BBX: variants seen among roughly 807,000 people sequenced by gnomAD.
BBX encodes BBX high mobility group box domain containing.
A neutral mutation model predicts 100.2 loss-of-function variants in BBX; 30 were observed. The ratio of observed to expected loss-of-function variants is 0.30; its 90% CI spans 0.22 to 0.41. The LOEUF is 0.41. BBX is among the 10% of genes least tolerant of loss of function. BBX has a pLI of 1.00. For missense variants in BBX, 1,023 were observed against 1,129.8 expected, an observed-to-expected ratio of 0.91 and a Z score of 1.35; for synonymous variants, 376 against 388.1, an observed-to-expected ratio of 0.97 and a Z score of 0.37.
intron 3 of BBX, among the ~76,000 whole-genome samples, chr3:107,683,257 G>A (rs1416535855): frequency 3.3e-5 from 5 of 152,070 alleles, no homozygotes; most frequent in Non-Finnish European, 7.4e-5. Flanking sequence ...GGTCCCCCCT[G>A]CTTCCGATTT....
intron 2 of BBX, among the ~76,000 whole-genome samples, chr3:107,582,853 A>G (rs2052386839): frequency 1.3e-5 from 2 of 151,838 alleles, no homozygotes; most frequent in African/African-American, 4.8e-5. Context: ...ACTTTTTTTG[A>G]TAACTCAAAA....
intron 3 of BBX, among the ~76,000 whole-genome samples, chr3:107,688,449 G>C (rs946868600): frequency 1.1e-4 from 16 of 152,202 alleles, no homozygotes; most frequent in Non-Finnish European, 1.9e-4. Flanking sequence ...CTTCTTGACC[G>C]TGTCTTTGGC....
intron 3 of BBX, among the ~76,000 whole-genome samples, chr3:107,676,316 T>C (rs2059277842): frequency 2.0e-5 from 3 of 152,222 alleles, no homozygotes; most frequent in Non-Finnish European, 4.4e-5. Flanking sequence ...TATGTATTTA[T>C]GCTACATTAA....
intron 3 of BBX, among the ~76,000 whole-genome samples, chr3:107,653,294 T>C (rs1390897400): frequency 6.6e-6 from 1 of 152,204 alleles, no homozygotes; most frequent in Non-Finnish European, 1.5e-5. Flanking sequence ...TGTTAAGATT[T>C]ATTAGTCTTC....
intron 9 of BBX, among the ~76,000 whole-genome samples, chr3:107,752,412 G>A (rs1394289785): frequency 6.6e-6 from 1 of 152,058 alleles, no homozygotes; most frequent in Non-Finnish European, 1.5e-5. Flanking sequence ...AGATAAGAAA[G>A]GTAAGGTAAA....
At chr3:107,620,027 A>G (rs2055621446) in intron 2 of BBX, among the ~76,000 whole-genome samples, 1 of 151,688 alleles carries the variant, frequency 6.6e-6, no homozygotes, top group Non-Finnish European at 1.5e-5. Flanking sequence ...CATGGATTTT[A>G]GTTCTTTTGT....
chr3:107,801,422 C>T (rs2108035837), intron 17 of BBX, 141 bp downstream of exon 17: 2 of 849,066 alleles, frequency 2.4e-6, no homozygotes, highest in Non-Finnish European at 1.8e-6. Context: ...ATTACAAAAG[C>T]ATATATGCTA....
In BBX at chr3:107,584,117, ATAATATATATATTAT is replaced by A. The variant is rs1261861643; in HGVS notation, c.-84+57722_-84+57736del. Among the ~76,000 whole-genome samples the A allele has an allele frequency of 5.7e-4, 13 of 22,716 alleles. 2 individuals carry two copies. Among genetic ancestry groups the A allele is most frequent in the African/African-American group, 1.9e-3 (12 of 6,406 alleles). 14.9% of individuals were successfully genotyped at this position (22,716 alleles called of 152,430 possible). On this transcript the variant is annotated intron_variant, in intron 2 of 17. Transcript: ENST00000325805. The stretch of plus-strand genomic sequence containing the variant: ...ATATTATATATATTATATATTATAT[ATAATATATATATTAT>A]TATATATATTATATATAATATATGA...
intron 2 of BBX, among the ~76,000 whole-genome samples, chr3:107,603,667 C>T (rs1252533507): frequency 7.2e-5 from 11 of 152,094 alleles, no homozygotes; most frequent in Admixed American, 3.9e-4. Context: ...TGTGAGCCAC[C>T]GTACCCGGCC....
intron 2 of BBX, among the ~76,000 whole-genome samples, chr3:107,560,396 A>G (rs1313485520): frequency 6.6e-6 from 1 of 152,232 alleles, no homozygotes. Flanking sequence ...AATAAAAGAA[A>G]CAGTGAAAAT....
intron 3 of BBX, among the ~76,000 whole-genome samples, chr3:107,649,750 T>C (rs780092433): frequency 2.6e-5 from 4 of 152,186 alleles, no homozygotes; most frequent in Non-Finnish European, 4.4e-5. Flanking sequence ...TACCGGAAAT[T>C]GGAAGTGGCT....
At chr3:107,701,488 T>C (rs894544747) in intron 3 of BBX, among the ~76,000 whole-genome samples, 6 of 152,230 alleles carry the variant, frequency 3.9e-5, no homozygotes, top group Non-Finnish European at 7.3e-5. Context: ...CAATAAAATT[T>C]GTGATGATGA....
intron 10 of BBX, among the ~76,000 whole-genome samples, chr3:107,760,304 A>T (rs1295055435): frequency 6.6e-6 from 1 of 152,230 alleles, no homozygotes; most frequent in Non-Finnish European, 1.5e-5. Flanking sequence ...TTACTCCTAC[A>T]CATGTATGTG....
intron 6 of BBX, among the ~76,000 whole-genome samples, chr3:107,732,628 TA>T (rs970217117): frequency 6.6e-6 from 1 of 152,170 alleles, no homozygotes; most frequent in African/African-American, 2.4e-5. Context: ...TTCTTTTGTT[TA>T]AAAAATCTTA....
At chr3:107,556,845 G>A (rs1490961073) in intron 2 of BBX, among the ~76,000 whole-genome samples, 1 of 152,140 alleles carries the variant, frequency 6.6e-6, no homozygotes, top group African/African-American at 2.4e-5. Flanking sequence ...TTCTACTAAA[G>A]TACCTGAGTG....
intron 3 of BBX, among the ~76,000 whole-genome samples, chr3:107,685,724 T>A (rs1250681917): frequency 1.3e-5 from 2 of 152,222 alleles, no homozygotes; most frequent in Non-Finnish European, 2.9e-5. Flanking sequence ...ACCACATAAT[T>A]TTTCATTCAA....
Position 107,753,281 on chromosome 3 carries a change from A to T in BBX, c.826-2317A>T, listed in dbSNP as rs576467810. On this transcript the variant is annotated intron_variant, in intron 9 of 17. Transcript: ENST00000325805. ...CAGTTTTCCACCCTTCCTTCCCTCA[A>T]ATTAAGAAGTTTTTGATTTAACTTT... Among the ~76,000 whole-genome samples, 256 of 152,276 alleles carry T rather than the reference A, an allele frequency of 1.7e-3. 1 individual carries two copies. The highest frequency in any genetic ancestry group is 5.9e-3 in the African/African-American group (246 of 41,554).
intron 3 of BBX, among the ~76,000 whole-genome samples, chr3:107,653,378 C>G (rs187469146): frequency 6.6e-6 from 1 of 152,226 alleles, no homozygotes; most frequent in Admixed American, 6.5e-5. Context: ...AGATTTAAGG[C>G]AGGCACTTTG....
intron 14 of BBX, among the ~76,000 whole-genome samples, chr3:107,790,196 A>T (rs1023730449): frequency 1.3e-4 from 19 of 151,978 alleles, no homozygotes; most frequent in Non-Finnish European, 2.1e-4. Flanking sequence ...ATTTTCTTTG[A>T]CTATTCTTGG....
Sources: gnomAD v4.1 joint callset for allele counts (sites outside exome capture counted in the v4.1 genomes callset) on GRCh38, gnomAD v4.1.1 for gene constraint, MANE v1.5 for transcripts, NCBI Gene and HGNC (gene_info 2026-07-23, HGNC 2026-07-21) for gene names.